The following CEP135 variants were observed in gnomAD, a reference collection of about 807,000 sequenced individuals.
The protein encoded by CEP135 is centrosomal protein 135, also known as centrosomal protein of 135 kDa.
Under a neutral mutation model 157.3 loss-of-function variants are expected in CEP135, and 142 were observed. The ratio of observed to expected loss-of-function variants is 0.90; its 90% CI spans 0.79 to 1.04. The LOEUF (loss-of-function observed/expected upper bound fraction) is 1.04, where lower values mean the gene tolerates loss of function less well. Among genes scored for constraint, CEP135 ranks in the 50% least tolerant of loss-of-function variants. The pLI is 0.00. For missense variants in CEP135, 1,317 were observed against 1,309.2 expected, an observed-to-expected ratio of 1.01 and a Z score of -0.09; for synonymous variants, 396 against 439.8, an observed-to-expected ratio of 0.90 and a Z score of 1.25.
chr4:56,018,128 T>TAGCCAG (rs1240666768), intron 22 of CEP135, among the ~76,000 whole-genome samples: 6 of 152,168 alleles, frequency 3.9e-5, no homozygotes, highest in Admixed American at 3.9e-4. Flanking sequence ...TGCAGGCATC[T>TAGCCAG]GCTAACACAC....
chr4:55,971,501 A>G (rs558820065), intron 10 of CEP135, 93 bp downstream of exon 10: 3 of 1,246,456 alleles, frequency 2.4e-6, no homozygotes, highest in Non-Finnish European at 2.2e-6. Flanking sequence ...TCATTCATTC[A>G]ATAAATATTT....
At chr4:56,005,426 T>TA (rs1254100608) in intron 17 of CEP135, among the ~76,000 whole-genome samples, 6 of 152,024 alleles carry the variant, frequency 3.9e-5, no homozygotes, top group African/African-American at 1.5e-4. Context: ...ACCCAGTCTC[T>TA]AAAAAACAAA....
chr4:55,968,648 A>G (rs529098266), intron 8 of CEP135, among the ~76,000 whole-genome samples: 1 of 152,320 alleles, frequency 6.6e-6, no homozygotes, highest in South Asian at 2.1e-4. Context: ...TGGCTCAACA[A>G]AATGTTCCTA....
chr4:55,962,396 G>A (rs983946349), intron 6 of CEP135, among the ~76,000 whole-genome samples: 10 of 151,992 alleles, frequency 6.6e-5, no homozygotes, highest in Non-Finnish European at 1.0e-4. Context: ...CACTATGCCC[G>A]GCCAAAAAAC....
At chr4:55,979,052 C>T (rs188490924) in intron 11 of CEP135, among the ~76,000 whole-genome samples, 2 of 152,184 alleles carry the variant, frequency 1.3e-5, no homozygotes, top group African/African-American at 4.8e-5. Context: ...TGAGAGGTAC[C>T]TCACAGATAT....
Position 56,031,527 on chromosome 4 carries a change from ATATC to A in CEP135, c.*183_*186del, listed in dbSNP as rs1731352474. On this transcript the variant is annotated 3_prime_UTR_variant, in exon 26 of 26. Coordinates refer to ENST00000257287, the MANE Select transcript of CEP135 (RefSeq NM_025009.5). Reference sequence around the variant, plus strand: ...TTAAAAAGTTTGGTTTAAAAGAACTATATCTATATGTATATTTTCATATATATGA... The same window carrying A: ...TTAAAAAGTTTGGTTTAAAAGAACTATATATGTATATTTTCATATATATGA... 2 of 152,634 alleles carry A rather than the reference ATATC, an allele frequency of 1.3e-5. No individual in the cohort carries two copies. The highest frequency in any genetic ancestry group is 6.5e-5 in the Admixed American group (1 of 15,284). The allele number at this position is 152,634 out of a possible 1,614,324, so 9.5% of individuals were successfully genotyped here.
In CEP135 at chr4:55,965,798, A is replaced by T; in HGVS notation, c.983A>T (p.Gln328Leu). 2 of 1,613,856 alleles carry T rather than the reference A, an allele frequency of 1.2e-6. No homozygotes were observed. Among genetic ancestry groups the T allele is most frequent in the Non-Finnish European group, 1.7e-6 (2 of 1,179,830 alleles). ...ACTGAAATAGATCAGTTAGCACAGCAGTTGGAAAGACATAAAGAAGAAGTG... is the reference window on the plus strand; with the variant it reads ...ACTGAAATAGATCAGTTAGCACAGCTGTTGGAAAGACATAAAGAAGAAGTG... ...ELTEIDQLAQQLERHKEEVLE... is the reference protein window; with the variant it reads ...ELTEIDQLAQLLERHKEEVLE... The change falls in exon 8 of 26, where the codon CAG becomes CTG. Residue 328 changes from glutamine (Q) to leucine (L), a missense_variant. Physicochemically the swap from Gln to Leu is moderately radical, Grantham distance 113. Coordinates refer to ENST00000257287, the MANE Select transcript of CEP135 (RefSeq NM_025009.5).
chr4:56,026,546 C>G (rs549615145), intron 25 of CEP135, among the ~76,000 whole-genome samples: 15 of 152,264 alleles, frequency 9.9e-5, no homozygotes, highest in African/African-American at 3.4e-4. Context: ...GTATGGAATG[C>G]CATTATGGAA....
chr4:55,959,954 C>A, intron 6 of CEP135, 188 bp downstream of exon 6: 1 of 617,024 alleles, frequency 1.6e-6, no homozygotes, highest in East Asian at 2.8e-5. Flanking sequence ...CCTGTCTCTT[C>A]AAAAAATTTA....
chr4:55,974,761 T>A lies in CEP135; in HGVS notation c.1265T>A (p.Leu422Gln). The A allele has an allele frequency of 6.2e-7, 1 of 1,612,468 alleles. No individual in the cohort carries two copies. Among genetic ancestry groups the A allele is most frequent in the Middle Eastern group, 1.7e-4 (1 of 6,048 alleles). The change falls in exon 11 of 26, where the codon CTG becomes CAG. Residue 422 changes from leucine (L) to glutamine (Q), a missense_variant. Leu to Gln is a moderately radical substitution (Grantham distance 113). Transcript: ENST00000257287. ...SFAVTERQLT[L>Q]EVERMRLEHG... ...TAATTTACAGAACGACAACTTACTC[T>A]GGAGGTTGAGAGGATGAGACTAGAA...
chr4:55,976,446 C>G (rs909775653), intron 11 of CEP135, among the ~76,000 whole-genome samples: 2 of 151,952 alleles, frequency 1.3e-5, no homozygotes. Context: ...GTTTCAAATA[C>G]CAAGGAGATA....
At chr4:56,005,977 T>C (rs759490124) in intron 17 of CEP135, among the ~76,000 whole-genome samples, 1 of 152,220 alleles carries the variant, frequency 6.6e-6, no homozygotes, top group Non-Finnish European at 1.5e-5. Flanking sequence ...GGAGTTCCTT[T>C]ATATGTTATT....
At chr4:55,984,342 C>G (rs1729505406) in intron 13 of CEP135, among the ~76,000 whole-genome samples, 1 of 152,172 alleles carries the variant, frequency 6.6e-6, no homozygotes, top group Non-Finnish European at 1.5e-5. Context: ...ATCTTTAAGT[C>G]CAGGCCAAAC....
Position 55,999,163 on chromosome 4 carries a change from T to C in CEP135, c.2010-139T>C, listed in dbSNP as rs958550989. 9.3e-6 allele frequency: 6 copies of C among 642,534 alleles called. No homozygotes were observed. The South Asian group carries it at 1.3e-4, about 14-fold the overall frequency. The allele number at this position is 642,534 out of a possible 1,614,324, so 39.8% of individuals were successfully genotyped here. On this transcript the variant is annotated intron_variant, in intron 15 of 25. Coordinates refer to ENST00000257287, the MANE Select transcript of CEP135 (RefSeq NM_025009.5). ...AATAATAATATATAATGCCATAGAT[T>C]ATACTGGAGGAGCTTTAAAATAAAA...
intron 4 of CEP135, among the ~76,000 whole-genome samples, chr4:55,956,193 G>A (rs1728498468): frequency 6.7e-6 from 1 of 150,336 alleles, no homozygotes; most frequent in Non-Finnish European, 1.5e-5. Flanking sequence ...AACTCCTTTT[G>A]TATACTCCTA....
Position 56,031,365 on chromosome 4 carries a change from T to C in CEP135, c.*17T>C, listed in dbSNP as rs777222219. On this transcript the variant is annotated 3_prime_UTR_variant, in exon 26 of 26. Coordinates refer to ENST00000257287, the MANE Select transcript of CEP135 (RefSeq NM_025009.5). ...TTCAATTTCCTCCCTTTCAGAATAA[T>C]GGCTTTCAATGAGTTCCTATGTGGA... 1 of 152,600 alleles carries C rather than the reference T, an allele frequency of 6.6e-6. No individual in the cohort carries two copies. The highest frequency in any genetic ancestry group is 1.5e-5 in the Non-Finnish European group (1 of 68,024). The allele number at this position is 152,600 out of a possible 1,614,324, so 9.5% of individuals were successfully genotyped here.
chr4:55,963,246 C>G (rs1728738464), intron 6 of CEP135, among the ~76,000 whole-genome samples: 1 of 152,012 alleles, frequency 6.6e-6, no homozygotes, highest in Non-Finnish European at 1.5e-5. Flanking sequence ...GTCTCCCTGC[C>G]CCTGCCTCTG....
intron 25 of CEP135, among the ~76,000 whole-genome samples, chr4:56,025,308 A>G (rs1731121168): frequency 6.6e-6 from 1 of 152,342 alleles, no homozygotes; most frequent in East Asian, 1.9e-4. Context: ...ATTTAAAAAG[A>G]GAAGACATCT....
intron 11 of CEP135, among the ~76,000 whole-genome samples, chr4:55,976,643 C>G (rs1729232803): frequency 6.6e-6 from 1 of 152,058 alleles, no homozygotes; most frequent in African/African-American, 2.4e-5. Flanking sequence ...AATTTATTTT[C>G]TAGAGTTCAG....
Sources: gnomAD v4.1 joint callset for allele counts (sites outside exome capture counted in the v4.1 genomes callset) on GRCh38, gnomAD v4.1.1 for gene constraint, MANE v1.5 for transcripts, NCBI Gene and HGNC (gene_info 2026-07-23, HGNC 2026-07-21) for gene names.